The following C14orf39 variants were observed in gnomAD, a reference collection of about 807,000 sequenced individuals.
C14orf39 encodes the protein chromosome 14 open reading frame 39.
In C14orf39, 66 loss-of-function variants were observed where a neutral mutation model predicts 85.6. The observed-to-expected ratio is 0.77, with a 90% CI of 0.63 to 0.95. C14orf39 has a LOEUF of 0.95. Among genes scored for constraint, C14orf39 ranks in the 40% least tolerant of loss-of-function variants. The pLI is 0.00. For synonymous variants in C14orf39, 242 were observed against 214.0 expected, an observed-to-expected ratio of 1.13 and a Z score of -1.14; for missense variants, 735 against 663.9, an observed-to-expected ratio of 1.11 and a Z score of -1.18.
At chr14:60,492,132 T>C (rs75605357) in intron 2 of C14orf39, among the ~76,000 whole-genome samples, 1 of 151,838 alleles carries the variant, frequency 6.6e-6, no homozygotes, top group South Asian at 2.1e-4. Context: ...GGCAAAACTT[T>C]AAAAAAAATT....
chr14:60,479,102 G>T (rs1489435142), intron 4 of C14orf39, among the ~76,000 whole-genome samples: 1 of 151,966 alleles, frequency 6.6e-6, no homozygotes, highest in Non-Finnish European at 1.5e-5. Context: ...AAAAGTATGT[G>T]TAAGAAAATA....
chr14:60,459,135 AATAAC>A (rs1176846888), intron 13 of C14orf39, among the ~76,000 whole-genome samples: 3 of 151,758 alleles, frequency 2.0e-5, no homozygotes, highest in East Asian at 1.9e-4. Context: ...TATATAATAA[AATAAC>A]ATATGTATGC....
chr14:60,447,830 TG>T (rs1890846137), intron 16 of C14orf39, among the ~76,000 whole-genome samples: 1 of 152,198 alleles, frequency 6.6e-6, no homozygotes. Context: ...AGCTTGGTAC[TG>T]GTACCAAAAC....
At chr14:60,489,296 G>A (rs767068239), upstream of C14orf39, among the ~76,000 whole-genome samples, 25 of 152,160 alleles carry the variant, frequency 1.6e-4, no homozygotes, top group Admixed American at 3.3e-4. Flanking sequence ...AGGCAGATAT[G>A]GATTTAACTT....
At position 60,485,045 on chromosome 14, in the gene C14orf39, G is replaced by C; in HGVS notation, c.34C>G (p.Leu12Val). Residue 12 changes from leucine (L) to valine (V), a missense_variant, in exon 2 of 18, where the codon CTT becomes GTT. Coordinates refer to ENST00000321731, the MANE Select transcript of C14orf39 (RefSeq NM_174978.3). Reference sequence around the variant, plus strand: ...TTATACCTACCAAATTCTAGCAAAAGTCTGTCCAAACTGACAAACAGGCTG... The same window carrying C: ...TTATACCTACCAAATTCTAGCAAAACTCTGTCCAAACTGACAAACAGGCTG... ...NDSLFVSLDR[L>V]LLEFVFQYEQ... is the part of the protein sequence containing the mutation. The C allele has an allele frequency of 6.2e-7, 1 of 1,609,368 alleles. No homozygotes were observed. Among genetic ancestry groups the C allele is most frequent in the Non-Finnish European group, 8.5e-7 (1 of 1,179,084 alleles).
At chr14:60,465,904 T>C in intron 11 of C14orf39, 75 bp downstream of exon 11, 1 of 656,212 alleles carries the variant, frequency 1.5e-6, no homozygotes, top group Non-Finnish European at 2.5e-6. Context: ...GTCTGTGTCT[T>C]AAGGGCAGTA....
chr14:60,465,058 TG>T (rs1891720648), intron 11 of C14orf39, among the ~76,000 whole-genome samples: 1 of 152,260 alleles, frequency 6.6e-6, no homozygotes, highest in South Asian at 2.1e-4. Flanking sequence ...TTTCCAACAA[TG>T]TATAGAGTTC....
chr14:60,481,884 C>A (rs759426856), intron 4 of C14orf39, among the ~76,000 whole-genome samples: 1 of 151,800 alleles, frequency 6.6e-6, no homozygotes, highest in Non-Finnish European at 1.5e-5. Context: ...CTAGCTTATC[C>A]TTTTGTCTTT....
At position 60,457,013 on chromosome 14, in the gene C14orf39, G is replaced by C. The variant is rs776214261; in HGVS notation, c.1262C>G (p.Thr421Arg). The change falls in exon 15 of 18, where the codon ACG (threonine) becomes AGG (arginine). Residue 421 changes from threonine (T) to arginine (R), a missense_variant. Thr to Arg is a moderately conservative substitution (Grantham distance 71). Coordinates refer to ENST00000321731, the MANE Select transcript of C14orf39 (RefSeq NM_174978.3). ...VEERAENFPR[T>R]SEIPIFLGTP... ...TCCTAAAAATATAGGAATTTCAGAC[G>C]TTCGTGGAAAATTCTCAGCTCTCTC... 3 of 1,610,528 alleles carry C rather than the reference G, an allele frequency of 1.9e-6. No homozygotes were observed. Among genetic ancestry groups the C allele is most frequent in the Admixed American group, 3.4e-5 (2 of 59,606 alleles).
At chr14:60,492,137 A>G (rs569912866) in intron 2 of C14orf39, among the ~76,000 whole-genome samples, 2 of 151,950 alleles carry the variant, frequency 1.3e-5, no homozygotes, top group African/African-American at 4.8e-5. Context: ...AACTTTAAAA[A>G]AAATTTTTTT....
At chr14:60,497,920 G>A (rs978349339) in intron 2 of C14orf39, among the ~76,000 whole-genome samples, 1 of 151,680 alleles carries the variant, frequency 6.6e-6, no homozygotes, top group African/African-American at 2.4e-5. Context: ...AAGAAAGAAA[G>A]AAAAAAGAAA....
At chr14:60,505,705 T>C (rs999110959) in intron 1 of C14orf39, among the ~76,000 whole-genome samples, 2 of 152,194 alleles carry the variant, frequency 1.3e-5, no homozygotes, top group Non-Finnish European at 2.9e-5. Context: ...TTATGTGAAA[T>C]TGTGTGAGAA....
intron 16 of C14orf39, among the ~76,000 whole-genome samples, chr14:60,451,394 G>C (rs938760653): frequency 2.6e-5 from 4 of 152,136 alleles, no homozygotes; most frequent in Non-Finnish European, 4.4e-5. Context: ...GCACACGTAT[G>C]TTTATTGCGG....
intron 11 of C14orf39, among the ~76,000 whole-genome samples, chr14:60,463,803 T>C (rs1364491396): frequency 6.6e-6 from 1 of 152,122 alleles, no homozygotes; most frequent in Non-Finnish European, 1.5e-5. Flanking sequence ...TTTTGGTGAA[T>C]ATTGCAAATA....
intron 17 of C14orf39, 99 bp from the exon 18 acceptor site, chr14:60,437,146 C>A: frequency 1.3e-6 from 1 of 777,162 alleles, no homozygotes; most frequent in South Asian, 1.9e-5. Flanking sequence ...AATATGGTAA[C>A]ACTGAATCAG....
At chr14:60,477,717 C>T (rs10130255) in intron 5 of C14orf39, among the ~76,000 whole-genome samples, 125,157 of 152,100 alleles carry the variant, frequency 0.82, 53,105 homozygotes, top group Non-Finnish European at 0.92. Flanking sequence ...CTAAACAGTT[C>T]ACTCATAAAG....
Position 60,484,150 on chromosome 14 carries a change from A to C in C14orf39, c.107-333T>G, listed in dbSNP as rs1032409271. On this transcript the variant is annotated intron_variant, in intron 3 of 17. Coordinates refer to ENST00000321731, the MANE Select transcript of C14orf39 (RefSeq NM_174978.3). The surrounding 1 kb of genome is among the most constrained non-coding windows in gnomAD (Gnocchi z 4.2). ...ATGCTATGAATTCTTGCAAACATTT[A>C]TTCGTTAATGACACTAATAGAAGCC... is the stretch of plus-strand genomic sequence containing the variant. Among the ~76,000 whole-genome samples, 2 of 152,364 alleles carry C rather than the reference A, an allele frequency of 1.3e-5. No individual in the cohort carries two copies. The highest frequency in any genetic ancestry group is 1.3e-4 in the Admixed American group (2 of 15,312).
At chr14:60,476,034 C>A (rs1290356240) in intron 5 of C14orf39, among the ~76,000 whole-genome samples, 2 of 152,084 alleles carry the variant, frequency 1.3e-5, no homozygotes, top group Non-Finnish European at 2.9e-5. Flanking sequence ...TGCTAGTCAG[C>A]GGGTCTGAAT....
chr14:60,500,609 A>G (rs1303349721), intron 1 of C14orf39, among the ~76,000 whole-genome samples: 1 of 152,236 alleles, frequency 6.6e-6, no homozygotes, highest in Non-Finnish European at 1.5e-5. Context: ...ATGATAACAT[A>G]TTTATGGTCA....
Sources: allele counts gnomAD v4.1 joint callset (sites outside exome capture counted in the v4.1 genomes callset), GRCh38; gene constraint gnomAD v4.1.1; non-coding constraint Gnocchi (gnomAD v3.1); transcripts MANE v1.5; gene names NCBI Gene and HGNC (gene_info 2026-07-23, HGNC 2026-07-21).